MYOM2: variants seen among roughly 807,000 people sequenced by gnomAD.
MYOM2 encodes the protein myomesin-2.
In MYOM2, 254 loss-of-function variants were observed where a neutral mutation model predicts 187.6. The observed-to-expected ratio is 1.35, with a 90% CI of 1.22 to 1.50. The LOEUF is 1.50. Among genes scored for constraint, MYOM2 ranks in the 40% most tolerant of loss-of-function variants. The probability of loss-of-function intolerance (pLI) is 0.00; values close to 1 mark genes in which losing one functional copy is unlikely to be tolerated. For missense variants in MYOM2, 2,796 were observed against 1,924.0 expected, an observed-to-expected ratio of 1.45 and a Z score of -8.48; for synonymous variants, 981 against 753.8, an observed-to-expected ratio of 1.30 and a Z score of -4.94.
intron 25 of MYOM2, among the ~76,000 whole-genome samples, chr8:2,110,421 G>A (rs922753562): frequency 2.6e-5 from 4 of 152,134 alleles, no homozygotes; most frequent in African/African-American, 9.7e-5. Context: ...ATTATGTCAG[G>A]TACTCCTTAT....
At position 2,109,518 on chromosome 8, in the gene MYOM2, T is replaced by C. The variant is rs150025412; in HGVS notation, c.3167T>C (p.Val1056Ala). ...CGATTTATTATTAACGACAGAGAAG[T>C]CTCTGACAGCGAGGTGAGTTCCTGT... Reference protein sequence around the residue: ...SYRFIINDREVSDSEIHRIKC... With the variant: ...SYRFIINDREASDSEIHRIKC... The change falls in exon 25 of 37, where the codon GTC becomes GCC. Residue 1056 changes from valine (V) to alanine (A), a missense_variant. Transcript: ENST00000262113. 3 of 1,611,150 alleles carry C rather than the reference T, an allele frequency of 1.9e-6. No homozygotes were observed. Among genetic ancestry groups the C allele is most frequent in the African/African-American group, 1.3e-5 (1 of 74,698 alleles).
At chr8:2,133,652 G>A (rs932247163) in intron 32 of MYOM2, among the ~76,000 whole-genome samples, 1 of 152,120 alleles carries the variant, frequency 6.6e-6, no homozygotes, top group Admixed American at 6.5e-5. Context: ...GTAGAGATGG[G>A]GTTTCACCAT....
At position 2,109,468 on chromosome 8, in the gene MYOM2, G is replaced by A. The variant is rs548607719; in HGVS notation, c.3117G>A (p.Glu1039=). 14 of 1,613,428 alleles carry A rather than the reference G, an allele frequency of 8.7e-6. No homozygotes were observed. In the East Asian group the frequency reaches 3.1e-4, roughly 36 times the overall value. ...KGRVRFWLQA[E]HLSPDASYRF... ...GGGTTCGCTTCTGGCTCCAGGCTGAGCACTTATCACCAGATGCCAGCTACC... is the reference window on the plus strand; with the variant it reads ...GGGTTCGCTTCTGGCTCCAGGCTGAACACTTATCACCAGATGCCAGCTACC... Residue 1039 remains glutamate (E), a synonymous_variant, in exon 25 of 37, where the codon GAG becomes GAA. Coordinates refer to ENST00000262113, the MANE Select transcript of MYOM2 (RefSeq NM_003970.4).
intron 2 of MYOM2, 47 bp downstream of exon 2, chr8:2,050,920 G>T (rs1415082929): frequency 1.4e-6 from 2 of 1,434,316 alleles, no homozygotes; most frequent in Non-Finnish European, 2.0e-6. Flanking sequence ...TGATTATGGG[G>T]GTCTGACATT....
At chr8:2,100,473 G>T (rs80040251) in intron 19 of MYOM2, 10,921 of 223,312 alleles carry the variant, frequency 0.049, 385 homozygotes, top group Non-Finnish European at 0.066. Flanking sequence ...GTAGAGGACA[G>T]GGCTGCAGTG....
At chr8:2,070,838 C>G (rs1248119862) in intron 8 of MYOM2, among the ~76,000 whole-genome samples, 1 of 152,232 alleles carries the variant, frequency 6.6e-6, no homozygotes, top group Non-Finnish European at 1.5e-5. Flanking sequence ...CAGCGTACAG[C>G]TCAGGGTAGC....
intron 35 of MYOM2, 128 bp downstream of exon 35, chr8:2,142,525 G>C (rs961542843): frequency 2.2e-6 from 2 of 889,768 alleles, no homozygotes. Flanking sequence ...ATGTAACAAC[G>C]CCACCAACAC....
chr8:2,059,359 C>T, intron 6 of MYOM2, 114 bp downstream of exon 6: 1 of 810,384 alleles, frequency 1.2e-6, no homozygotes, highest in Non-Finnish European at 2.0e-6. Context: ...TGTTTGCACC[C>T]CGGGTGACTT....
intron 25 of MYOM2, among the ~76,000 whole-genome samples, chr8:2,114,711 C>T (rs1461450076): frequency 2.0e-5 from 3 of 152,240 alleles, no homozygotes; most frequent in Non-Finnish European, 2.9e-5. Context: ...CTCAGGTGAT[C>T]TGCCCACCTT....
chr8:2,097,453 C>T lies in MYOM2; in HGVS notation c.2313+1019C>T, dbSNP rs79076194. Among the ~76,000 whole-genome samples, 796 of 152,282 alleles carry T rather than the reference C, an allele frequency of 5.2e-3. 5 individuals carry two copies. The highest frequency in any genetic ancestry group is 0.01 in the Middle Eastern group (3 of 294). ...ATGATTAAATCAAGCCAATTAACAT[C>T]TCCATTGCCTCCCAGTACTTACAAT... On this transcript the variant is annotated intron_variant, in intron 18 of 36. Transcript: ENST00000262113.
chr8:2,111,931 C>A (rs1292272734), intron 25 of MYOM2, among the ~76,000 whole-genome samples: 1 of 152,202 alleles, frequency 6.6e-6, no homozygotes, highest in Admixed American at 6.5e-5. Flanking sequence ...ATTGTAATTT[C>A]TAATTGCGAA....
At position 2,090,011 on chromosome 8, in the gene MYOM2, G is replaced by A. The variant is rs370818556; in HGVS notation, c.1648G>A (p.Val550Met). 3.7e-6 allele frequency: 6 copies of A among 1,613,598 alleles called. No homozygotes were observed. In the African/African-American group the frequency reaches 6.7e-5, roughly 18 times the overall value. The stretch of plus-strand genomic sequence containing the variant: ...TCGTTTCTGTTTCTCTTTGTAGTCC[G>A]TGGTGGGGAGCGGCAGCTGGCAGAG... ...DPLMYFIEKS[V>M]VGSGSWQRVN... is the part of the protein sequence containing the mutation. The change falls in exon 15 of 37, where the codon GTG (valine) becomes ATG (methionine). Residue 550 changes from valine (V) to methionine (M), a missense_variant. Transcript: ENST00000262113.
At chr8:2,130,780 G>A (rs1470968386) in intron 32 of MYOM2, among the ~76,000 whole-genome samples, 1 of 152,198 alleles carries the variant, frequency 6.6e-6, no homozygotes, top group African/African-American at 2.4e-5. Flanking sequence ...TTAAAGGACT[G>A]TGATAACAGG....
intron 31 of MYOM2, among the ~76,000 whole-genome samples, chr8:2,126,723 G>A (rs1232341342): frequency 2.0e-5 from 3 of 147,250 alleles, no homozygotes; most frequent in Non-Finnish European, 4.5e-5. Flanking sequence ...AGCACTGGGG[G>A]AGGCTGATAG....
intron 25 of MYOM2, among the ~76,000 whole-genome samples, chr8:2,112,066 G>A (rs567701612): frequency 2.0e-5 from 3 of 152,270 alleles, no homozygotes; most frequent in African/African-American, 4.8e-5. Context: ...GAGCTGTTGG[G>A]AGCTTGGGCG....
At position 2,129,229 on chromosome 8, in the gene MYOM2, ACAAG is replaced by A; in HGVS notation, c.3798_3800+1del. ...GACGAAATGAAAGTGAACTGGTGTC[ACAAG>A]TAAGTATGACAGCAGCCGATGGAGG... is the stretch of plus-strand genomic sequence containing the variant. On this transcript the variant is annotated splice_donor_variant and coding_sequence_variant, in exon 32 of 37. Coordinates refer to ENST00000262113, the MANE Select transcript of MYOM2 (RefSeq NM_003970.4). LOFTEE classifies it high-confidence loss of function. 1 of 1,606,574 alleles carries A rather than the reference ACAAG, an allele frequency of 6.2e-7. No homozygotes were observed. The highest frequency in any genetic ancestry group is 8.5e-7 in the Non-Finnish European group (1 of 1,173,432).
chr8:2,103,541 G>A (rs115341439), intron 21 of MYOM2, among the ~76,000 whole-genome samples: 12,546 of 150,256 alleles, frequency 0.083, 437 homozygotes, highest in South Asian at 0.14. Context: ...ATATGTGTAT[G>A]TATGGATGGG....
chr8:2,093,875 A>G lies in MYOM2; in HGVS notation c.2004-95A>G. On this transcript the variant is annotated intron_variant, in intron 16 of 36. Transcript: ENST00000262113. Reference sequence around the variant, plus strand: ...TGAAGGATGTATGTTATCCATAAAAATTTTTTATGGCGCGTTCAGGGTGAT... The same window carrying G: ...TGAAGGATGTATGTTATCCATAAAAGTTTTTTATGGCGCGTTCAGGGTGAT... The G allele has an allele frequency of 1.5e-5, 22 of 1,489,998 alleles. No homozygotes were observed. In the South Asian group the frequency reaches 2.5e-4, roughly 17 times the overall value. 92.3% of individuals were successfully genotyped at this position (1,489,998 alleles called of 1,614,324 possible).
At position 2,106,264 on chromosome 8, in the gene MYOM2, T is replaced by C; in HGVS notation, c.2757T>C (p.Gly919=). The change falls in exon 22 of 37, where the codon GGT becomes GGC. Residue 919 remains glycine (G), a synonymous_variant. Coordinates refer to ENST00000262113, the MANE Select transcript of MYOM2 (RefSeq NM_003970.4). ...CAGGCACCAAGGAAATCAGTGCTGG[T>C]GTCGATGAACAAGGCAACATCTATC... ...ARPGTKEISA[G]VDEQGNIYLG... is the part of the protein sequence containing the mutation. 1 of 1,614,156 alleles carries C rather than the reference T, an allele frequency of 6.2e-7. No individual in the cohort carries two copies. The highest frequency in any genetic ancestry group is 2.2e-5 in the East Asian group (1 of 44,870).
Sources: allele counts gnomAD v4.1 joint callset (sites outside exome capture counted in the v4.1 genomes callset), GRCh38; gene constraint gnomAD v4.1.1; transcripts MANE v1.5; gene names NCBI Gene and HGNC (gene_info 2026-07-23, HGNC 2026-07-21).